Variants in PTPRD observed in about 807,000 individuals in gnomAD.
PTPRD encodes receptor-type tyrosine-protein phosphatase delta.
Under a neutral mutation model 214.5 loss-of-function variants are expected in PTPRD, and 34 were observed. The observed-to-expected ratio is 0.16, with a 90% confidence interval of 0.12 to 0.21. The LOEUF (loss-of-function observed/expected upper bound fraction) is 0.21, where lower values mean the gene tolerates loss of function less well. Ranked by LOEUF, PTPRD falls within the 10% of genes least tolerant of loss-of-function variation. The pLI is 1.00. For missense variants in PTPRD, 2,545 were observed against 2,398.7 expected, an observed-to-expected ratio of 1.06 and a Z score of -1.27; for synonymous variants, 1,128 against 845.7, an observed-to-expected ratio of 1.33 and a Z score of -5.79.
chr9:9,352,333 G>GTA (rs2051643226), intron 9 of PTPRD, among the ~76,000 whole-genome samples: 1 of 143,464 alleles, frequency 7.0e-6, no homozygotes, highest in Non-Finnish European at 1.5e-5. Context: ...ATATATGTGT[G>GTA]TGTGTGTGTG....
chr9:8,543,426 G>C (rs1039908215), intron 14 of PTPRD, among the ~76,000 whole-genome samples: 1 of 152,150 alleles, frequency 6.6e-6, no homozygotes, highest in African/African-American at 2.4e-5. Context: ...CCCTTCAATT[G>C]CTCAGTGATG....
intron 14 of PTPRD, among the ~76,000 whole-genome samples, chr9:8,629,302 T>A (rs2096166366): frequency 6.6e-6 from 1 of 151,846 alleles, no homozygotes; most frequent in Non-Finnish European, 1.5e-5. Context: ...AAGAAAAGTC[T>A]ATGGATGGTG....
intron 10 of PTPRD, among the ~76,000 whole-genome samples, chr9:9,150,460 T>TTA (rs1284221772): frequency 1.5e-5 from 2 of 130,572 alleles, no homozygotes; most frequent in East Asian, 4.4e-4. Context: ...ATGTAACATA[T>TTA]TATATATATA....
At chr9:10,450,085 C>T (rs1228452943) in intron 2 of PTPRD, among the ~76,000 whole-genome samples, 1 of 151,592 alleles carries the variant, frequency 6.6e-6, no homozygotes, top group Non-Finnish European at 1.5e-5. Flanking sequence ...TCTCAAGTAC[C>T]CAGGGACACA....
intron 7 of PTPRD, among the ~76,000 whole-genome samples, chr9:9,734,093 A>C (rs1231145325): frequency 6.6e-6 from 1 of 152,178 alleles, no homozygotes; most frequent in Non-Finnish European, 1.5e-5. Context: ...CATGTAAATT[A>C]TACTCTCAGC....
chr9:10,383,880 C>T (rs193026504), intron 2 of PTPRD, among the ~76,000 whole-genome samples: 8 of 151,622 alleles, frequency 5.3e-5, no homozygotes, highest in East Asian at 1.9e-4. Flanking sequence ...GTGATTACAG[C>T]GTAAGCAAAA....
At position 9,105,688 on chromosome 9, in the gene PTPRD, G is replaced by C. The variant is rs550225982; in HGVS notation, c.-143+77616C>G. Among the ~76,000 whole-genome samples the C allele has an allele frequency of 4.4e-4, 67 of 152,144 alleles. No individual in the cohort carries two copies. The South Asian group carries it at 0.014, about 31-fold the overall frequency. On this transcript the variant is annotated intron_variant, in intron 10 of 45. Coordinates refer to ENST00000381196, the MANE Select transcript of PTPRD (RefSeq NM_002839.4). ...ACTTGTATAATGATCTAGGAGAGTG[G>C]ATTAAACATACTGAATGAGAGAGCT...
intron 6 of PTPRD, among the ~76,000 whole-genome samples, chr9:9,745,652 G>A (rs2098450021): frequency 6.6e-6 from 1 of 152,094 alleles, no homozygotes; most frequent in Non-Finnish European, 1.5e-5. Flanking sequence ...AGCAGAAAGT[G>A]CCTTATTGCT....
intron 11 of PTPRD, among the ~76,000 whole-genome samples, chr9:8,858,692 C>G (rs1361724916): frequency 1.1e-4 from 3 of 27,936 alleles, no homozygotes; most frequent in African/African-American, 2.0e-4. Flanking sequence ...GAGCTGGGCC[C>G]GCTGCGCCCG....
intron 9 of PTPRD, among the ~76,000 whole-genome samples, chr9:9,247,914 A>C (rs916953886): frequency 1.3e-5 from 2 of 151,994 alleles, no homozygotes; most frequent in African/African-American, 4.8e-5. Flanking sequence ...TATTACTCTC[A>C]GCTTTGCTTT....
chr9:9,184,228 G>C (rs528542057), intron 9 of PTPRD, among the ~76,000 whole-genome samples: 1 of 151,946 alleles, frequency 6.6e-6, no homozygotes, highest in African/African-American at 2.4e-5. Flanking sequence ...CCTATCACAC[G>C]TTATCACATC....
intron 11 of PTPRD, among the ~76,000 whole-genome samples, chr9:8,872,999 A>C (rs1057145300): frequency 6.6e-6 from 1 of 152,234 alleles, no homozygotes; most frequent in Non-Finnish European, 1.5e-5. Flanking sequence ...GAATTATTTT[A>C]TGGAAACCAC....
In PTPRD at chr9:8,396,622, T is replaced by A. The variant is rs114467685; in HGVS notation, c.4211-7215A>T. Among the ~76,000 whole-genome samples, 593 of 152,108 alleles carry A rather than the reference T, an allele frequency of 3.9e-3. 3 individuals are homozygous for A. Among genetic ancestry groups the A allele is most frequent in the African/African-American group, 0.013 (552 of 41,498 alleles). Reference sequence around the variant, plus strand: ...TCGATTAGCTTTCTGAGAACAAGAGTAAAGCAAAAAACAACACAGCCAGCC... The same window carrying A: ...TCGATTAGCTTTCTGAGAACAAGAGAAAAGCAAAAAACAACACAGCCAGCC... On this transcript the variant is annotated intron_variant, in intron 36 of 45. Transcript: ENST00000381196.
intron 3 of PTPRD, among the ~76,000 whole-genome samples, chr9:10,160,333 G>C (rs2099119842): frequency 6.6e-6 from 1 of 151,952 alleles, no homozygotes; most frequent in South Asian, 2.1e-4. Context: ...CCAATAACAA[G>C]TAATGAGATT....
intron 11 of PTPRD, among the ~76,000 whole-genome samples, chr9:8,904,692 A>T (rs2098695528): frequency 2.6e-5 from 4 of 151,820 alleles, no homozygotes; most frequent in Admixed American, 2.6e-4. Flanking sequence ...AAAGCTACAC[A>T]TTACATTTAG....
intron 8 of PTPRD, among the ~76,000 whole-genome samples, chr9:9,549,086 A>G (rs1220773669): frequency 6.6e-6 from 1 of 152,120 alleles, no homozygotes; most frequent in Non-Finnish European, 1.5e-5. Context: ...TATCTTTGCA[A>G]TCTTGAAGTA....
intron 8 of PTPRD, among the ~76,000 whole-genome samples, chr9:9,462,324 A>G (rs1182744553): frequency 6.6e-6 from 1 of 152,170 alleles, no homozygotes; most frequent in African/African-American, 2.4e-5. Flanking sequence ...TGGAACTGAC[A>G]TTCATTTGAA....
At chr9:10,441,992 T>C (rs921702414) in intron 2 of PTPRD, among the ~76,000 whole-genome samples, 2 of 151,530 alleles carry the variant, frequency 1.3e-5, no homozygotes, top group Admixed American at 6.6e-5. Context: ...AGTTGAAAAA[T>C]TTTTAAAGCT....
At chr9:9,322,175 T>C (rs1966847666) in intron 9 of PTPRD, among the ~76,000 whole-genome samples, 1 of 152,182 alleles carries the variant, frequency 6.6e-6, no homozygotes, top group Non-Finnish European at 1.5e-5. Context: ...TAAAGTATTG[T>C]AGCTTAAAGA....
Sources: gnomAD v4.1 joint callset for allele counts (sites outside exome capture counted in the v4.1 genomes callset) on GRCh38, gnomAD v4.1.1 for gene constraint, MANE v1.5 for transcripts, NCBI Gene and HGNC (gene_info 2026-07-23, HGNC 2026-07-21) for gene names.